The following WDR45B variants were observed in gnomAD, a reference collection of about 807,000 sequenced individuals.
The protein encoded by WDR45B is WD repeat domain 45B, also known as WD repeat domain phosphoinositide-interacting protein 3.
A neutral mutation model predicts 44.6 loss-of-function variants in WDR45B; 20 were observed. That is an observed-to-expected ratio of 0.45 (90% CI 0.32 to 0.65). The LOEUF (loss-of-function observed/expected upper bound fraction) is 0.65. Among genes scored for constraint, WDR45B ranks in the 30% least tolerant of loss-of-function variants. The pLI is 0.05. For missense variants in WDR45B, 323 were observed against 430.2 expected, an observed-to-expected ratio of 0.75 and a Z score of 2.20; for synonymous variants, 169 against 164.9, an observed-to-expected ratio of 1.02 and a Z score of -0.19.
At chr17:82,616,089 C>T in intron 9 of WDR45B, 64 bp from the exon 10 acceptor site, 1 of 1,457,644 alleles carries the variant, frequency 6.9e-7, no homozygotes, top group Non-Finnish European at 9.5e-7. Flanking sequence ...GCAACGAGTC[C>T]CACTGAGCTG....
chr17:82,618,051 TG>T (rs1383288069), intron 7 of WDR45B, among the ~76,000 whole-genome samples: 1 of 151,906 alleles, frequency 6.6e-6, no homozygotes, highest in Non-Finnish European at 1.5e-5. Context: ...GCCTCAGCCC[TG>T]CCTAGTAGCT....
intron 3 of WDR45B, among the ~76,000 whole-genome samples, chr17:82,628,658 C>A (rs1219553575): frequency 6.6e-6 from 1 of 152,102 alleles, no homozygotes; most frequent in African/African-American, 2.4e-5. Context: ...GATCACCCCA[C>A]TGCACTCCAA....
At chr17:82,637,689 T>C (rs2045851640) in intron 2 of WDR45B, among the ~76,000 whole-genome samples, 1 of 152,058 alleles carries the variant, frequency 6.6e-6, no homozygotes, top group Non-Finnish European at 1.5e-5. Context: ...TTTACCAGTT[T>C]ATAACAAAGA....
rs2143225788 is a variant in WDR45B at position 82,614,769 on chromosome 17, G to T, written c.*1150C>A. The T allele has an allele frequency of 6.6e-6, 1 of 152,332 alleles. No individual in the cohort carries two copies. The highest frequency in any genetic ancestry group is 1.9e-4 in the East Asian group (1 of 5,186). The allele number at this position is 152,332 out of a possible 1,614,324, so 9.4% of individuals were successfully genotyped here. A position where few individuals can be genotyped will look rare whatever the true frequency, so the allele number is the denominator to read the frequency against. On this transcript the variant is annotated 3_prime_UTR_variant, in exon 10 of 10. Coordinates refer to ENST00000392325, the MANE Select transcript of WDR45B (RefSeq NM_019613.4). ...AAACCGAGAACTCGCTGCTATGCAG[G>T]TTTTACATGTTTGCAATCTGAAATC...
At position 82,619,298 on chromosome 17, in the gene WDR45B, CT is replaced by C. The variant is rs1361693267; in HGVS notation, c.619-171del. Among the ~76,000 whole-genome samples the C allele has an allele frequency of 2.0e-5, 3 of 152,156 alleles. No individual in the cohort carries two copies. In the East Asian group the frequency reaches 5.8e-4, roughly 29 times the overall value. On this transcript the variant is annotated intron_variant, in intron 6 of 9. Coordinates refer to ENST00000392325, the MANE Select transcript of WDR45B (RefSeq NM_019613.4). ...CAACTGCCAGCACACAGTTGTGCCC[CT>C]GAGAACGAGTTGGTTGGTGGCTCCT...
At chr17:82,628,574 G>GA (rs140617002) in intron 3 of WDR45B, among the ~76,000 whole-genome samples, 41,203 of 149,920 alleles carry the variant, frequency 0.27, 6,296 homozygotes, top group South Asian at 0.34. Flanking sequence ...TCCCATTTCT[G>GA]AAAAAAAAAG....
At chr17:82,628,914 A>T (rs1321714309) in intron 3 of WDR45B, among the ~76,000 whole-genome samples, 1 of 151,760 alleles carries the variant, frequency 6.6e-6, no homozygotes, top group Non-Finnish European at 1.5e-5. Flanking sequence ...CGGAAGGATC[A>T]CCTGAGCCTG....
rs566714842 is a variant in WDR45B at position 82,626,753 on chromosome 17, C to T, written c.332+451G>A. 771 of 241,366 alleles carry T rather than the reference C, an allele frequency of 3.2e-3. 2 individuals are homozygous for T. Among genetic ancestry groups the T allele is most frequent in the Non-Finnish European group, 4.8e-3 (584 of 122,008 alleles). The allele number at this position is 241,366 out of a possible 1,614,324, so 15.0% of individuals were successfully genotyped here. On this transcript the variant is annotated intron_variant, in intron 4 of 9. Coordinates refer to ENST00000392325, the MANE Select transcript of WDR45B (RefSeq NM_019613.4). ...TATTCCCCCTAAACGCCCCTGAGAC[C>T]ATGGCTGACAGAACCACCTGCTACT...
At chr17:82,648,029 G>A (rs2046003840) in intron 1 of WDR45B, among the ~76,000 whole-genome samples, 1 of 146,142 alleles carries the variant, frequency 6.8e-6, no homozygotes, top group African/African-American at 2.5e-5. Flanking sequence ...TCACAACCCG[G>A]GGGGTGGGGG....
At chr17:82,633,692 GAA>G (rs34633013) in intron 2 of WDR45B, among the ~76,000 whole-genome samples, 1 of 152,142 alleles carries the variant, frequency 6.6e-6, no homozygotes, top group Admixed American at 6.6e-5. Flanking sequence ...AGCTGCTCTG[GAA>G]AAAAGTAGGA....
chr17:82,621,696 TG>T lies in WDR45B; in HGVS notation c.530del (p.Pro177HisfsTer12). On this transcript the variant is annotated frameshift_variant, in exon 6 of 10. Transcript: ENST00000392325. LOFTEE classifies it high-confidence loss of function. ...QLVDLASTEK[P>X]PVDIPAHEGV... The stretch of plus-strand genomic sequence containing the variant: ...CCTCGTGTGCAGGAATGTCCACGGG[TG>T]GCTTCTCCGTGCTGGCCAGGTCCAC... 1 of 1,614,156 alleles carries T rather than the reference TG, an allele frequency of 6.2e-7. No homozygotes were observed. The highest frequency in any genetic ancestry group is 8.5e-7 in the Non-Finnish European group (1 of 1,180,028).
At chr17:82,628,481 G>A (rs917339163) in intron 3 of WDR45B, among the ~76,000 whole-genome samples, 8 of 152,192 alleles carry the variant, frequency 5.3e-5, no homozygotes, top group African/African-American at 1.4e-4. Flanking sequence ...GCTCACGCCT[G>A]TAATCCCAGC....
At chr17:82,619,278 G>T in intron 6 of WDR45B, 150 bp from the exon 7 acceptor site, 1 of 777,778 alleles carries the variant, frequency 1.3e-6, no homozygotes, top group Non-Finnish European at 2.2e-6. Flanking sequence ...TCCTCCAACT[G>T]CCAGCACACA....
At position 82,639,736 on chromosome 17, in the gene WDR45B, AGGCTGCTGGGCTGTGTGTAGGTGGGGCG is replaced by A. The variant is rs1221349711; in HGVS notation, c.142+4185_142+4212del. On this transcript the variant is annotated intron_variant, in intron 2 of 9. Transcript: ENST00000392325. Reference sequence around the variant, plus strand: ...TGCCAGGCTGTGTGTCAGGTCAGGTAGGCTGCTGGGCTGTGTGTAGGTGGGGCGGGCTGCTGGGCTGTGTGTGTGTGGG... The same window carrying A: ...TGCCAGGCTGTGTGTCAGGTCAGGTAGGCTGCTGGGCTGTGTGTGTGTGGG... 2.2e-5 allele frequency among the ~76,000 whole-genome samples: 3 copies of A among 134,284 alleles called. No homozygotes were observed. The South Asian group carries it at 7.3e-4, about 33-fold the overall frequency. 88.1% of individuals were successfully genotyped at this position (134,284 alleles called of 152,430 possible).
At chr17:82,621,458 G>C (rs2045615540) in intron 6 of WDR45B, 151 bp downstream of exon 6, 1 of 937,918 alleles carries the variant, frequency 1.1e-6, no homozygotes, top group Non-Finnish European at 1.7e-6. Flanking sequence ...CAACCTGTCT[G>C]ATGACATGAC....
chr17:82,627,011 G>A, intron 4 of WDR45B, 193 bp downstream of exon 4: 1 of 634,032 alleles, frequency 1.6e-6, no homozygotes, highest in Non-Finnish European at 2.8e-6. Context: ...GCGGAGCCCT[G>A]GAAACAAACA....
intron 2 of WDR45B, among the ~76,000 whole-genome samples, chr17:82,643,490 C>T (rs1483083445): frequency 6.6e-6 from 1 of 151,850 alleles, no homozygotes; most frequent in Non-Finnish European, 1.5e-5. Flanking sequence ...TGCCCAAGGT[C>T]GCACAGCAAC....
chr17:82,626,874 A>AT (rs1207236567), intron 4 of WDR45B: 1 of 373,238 alleles, frequency 2.7e-6, no homozygotes, highest in African/African-American at 2.1e-5. Context: ...GCCCAGGGTA[A>AT]TTCAAGGCTC....
intron 2 of WDR45B, among the ~76,000 whole-genome samples, chr17:82,638,225 GGGAGA>G (rs1281162319): frequency 0.013 from 132 of 10,550 alleles, 16 homozygotes; most frequent in Non-Finnish European, 0.017. Flanking sequence ...GGGAGGGGAG[GGGAGA>G]GGAGGGGAGG....
Sources: allele counts gnomAD v4.1 joint callset (sites outside exome capture counted in the v4.1 genomes callset), GRCh38; gene constraint gnomAD v4.1.1; transcripts MANE v1.5; gene names NCBI Gene and HGNC (gene_info 2026-07-23, HGNC 2026-07-21).